Variants in KIAA0319L observed in about 807,000 individuals in gnomAD.
The protein encoded by KIAA0319L is dyslexia-associated protein KIAA0319-like protein.
Under a neutral mutation model 120.1 loss-of-function variants are expected in KIAA0319L, and 55 were observed. The observed-to-expected ratio is 0.46, with a 90% confidence interval of 0.37 to 0.57. The LOEUF (loss-of-function observed/expected upper bound fraction) is 0.57, where lower values mean the gene tolerates loss of function less well. KIAA0319L is among the 20% of genes least tolerant of loss of function. The pLI, the probability that KIAA0319L is intolerant of heterozygous loss-of-function variation, is 0.00. For missense variants in KIAA0319L, 1,049 were observed against 1,255.3 expected, an observed-to-expected ratio of 0.84 and a Z score of 2.48; for synonymous variants, 398 against 471.9, an observed-to-expected ratio of 0.84 and a Z score of 2.03.
chr1:35,451,459 G>A (rs1055986609), intron 13 of KIAA0319L, among the ~76,000 whole-genome samples, 169 bp downstream of exon 13: 1 of 152,086 alleles, frequency 6.6e-6, no homozygotes, highest in African/African-American at 2.4e-5. Context: ...TCACCTTACA[G>A]TCCAATTAAA....
intron 3 of KIAA0319L, among the ~76,000 whole-genome samples, chr1:35,486,367 C>T (rs1644384369): frequency 1.5e-5 from 2 of 130,742 alleles, no homozygotes; most frequent in South Asian, 4.9e-4. Context: ...GAGTAAGACC[C>T]TGTCTCAAGA....
intron 15 of KIAA0319L, 27 bp from the exon 16 acceptor site, chr1:35,448,359 C>CCTG: frequency 6.2e-7 from 1 of 1,605,614 alleles, no homozygotes; most frequent in Non-Finnish European, 8.5e-7. Context: ...TCAGTCATGG[C>CCTG]TTTAGAAGTA....
rs1478201478 is a variant in KIAA0319L at position 35,557,397 on chromosome 1, C to T, written c.-219G>A. On this transcript the variant is annotated 5_prime_UTR_variant, in exon 1 of 21. Coordinates refer to ENST00000325722, the MANE Select transcript of KIAA0319L (RefSeq NM_024874.5). ...AGCCTCCCTGGACAGCGACGGCGGC[C>T]GGAAACACCGCCTCCTCCCACCTCC... The T allele has an allele frequency of 3.2e-6, 1 of 315,888 alleles. No individual in the cohort carries two copies. The highest frequency in any genetic ancestry group is 6.2e-6 in the Non-Finnish European group (1 of 161,180). The allele number at this position is 315,888 out of a possible 1,614,324, so 19.6% of individuals were successfully genotyped here.
chr1:35,489,474 C>G (rs1433975669), intron 3 of KIAA0319L, among the ~76,000 whole-genome samples: 1 of 152,052 alleles, frequency 6.6e-6, no homozygotes, highest in Non-Finnish European at 1.5e-5. Flanking sequence ...AATCCAAGCA[C>G]AGACCAGCAG....
In KIAA0319L at chr1:35,449,919, G is replaced by T; in HGVS notation, c.2301C>A (p.Thr767=). 6.2e-7 allele frequency: 1 copy of T among 1,613,962 alleles called. No homozygotes were observed. The highest frequency in any genetic ancestry group is 1.7e-5 in the Admixed American group (1 of 60,008). The change falls in exon 15 of 21, where the codon ACC becomes ACA. Residue 767 remains threonine (T), a synonymous_variant. Transcript: ENST00000325722. ...EGTYTFHLKV[T]DAKGESDTDR... ...CTGTGTCACTCTCACCCTTTGCATCGGTCACTTTCAGGTGAAAAGTGTAGG... is the reference window on the plus strand; with the variant it reads ...CTGTGTCACTCTCACCCTTTGCATCTGTCACTTTCAGGTGAAAAGTGTAGG...
intron 9 of KIAA0319L, among the ~76,000 whole-genome samples, chr1:35,457,881 A>C (rs1642597470): frequency 6.6e-6 from 1 of 152,212 alleles, no homozygotes; most frequent in Non-Finnish European, 1.5e-5. Flanking sequence ...AAAAATTTAC[A>C]GAAGTTTTGC....
At position 35,434,982 on chromosome 1, in the gene KIAA0319L, T is replaced by G. The variant is rs1160610986; in HGVS notation, c.3062A>C (p.Lys1021Thr). The stretch of plus-strand genomic sequence containing the variant: ...ATTCTGACCATGCAGGAGTTTGCCC[T>G]TCTCTCGGTCTGGCCATGTAAAGAT... ...DAIFTWPDREKGKLLHGQNGS... is the reference protein window; with the variant it reads ...DAIFTWPDRETGKLLHGQNGS... Residue 1021 changes from lysine to threonine, a missense_variant, in exon 21 of 21, where the codon AAG becomes ACG. By Grantham distance (78) the Lys-to-Thr change is moderately conservative (BLOSUM62 -1). Coordinates refer to ENST00000325722, the MANE Select transcript of KIAA0319L (RefSeq NM_024874.5). 2 of 1,614,214 alleles carry G rather than the reference T, an allele frequency of 1.2e-6. No homozygotes were observed. Among genetic ancestry groups the G allele is most frequent in the Admixed American group, 3.3e-5 (2 of 60,032 alleles).
Position 35,434,145 on chromosome 1 carries a change from C to T in KIAA0319L, c.*749G>A, listed in dbSNP as rs1266222453. The T allele has an allele frequency of 6.8e-6, 1 of 147,108 alleles. No homozygotes were observed. The highest frequency in any genetic ancestry group is 1.5e-5 in the Non-Finnish European group (1 of 67,538). 9.1% of individuals were successfully genotyped at this position (147,108 alleles called of 1,614,324 possible). A position where few individuals can be genotyped will look rare whatever the true frequency, so the allele number is the denominator to read the frequency against. On this transcript the variant is annotated 3_prime_UTR_variant, in exon 21 of 21. Coordinates refer to ENST00000325722, the MANE Select transcript of KIAA0319L (RefSeq NM_024874.5). The stretch of plus-strand genomic sequence containing the variant: ...TGTCACTCAGGCTGGAGTGCAGTGG[C>T]ACGATCTTGGCTCACTGCAGCCTCC...
At chr1:35,516,762 A>G (rs1420112430) in intron 2 of KIAA0319L, among the ~76,000 whole-genome samples, 1 of 152,212 alleles carries the variant, frequency 6.6e-6, no homozygotes, top group African/African-American at 2.4e-5. Context: ...AGGAAGTCCA[A>G]CTATCCCTGT....
At position 35,453,482 on chromosome 1, in the gene KIAA0319L, A is replaced by T; in HGVS notation, c.1913+75T>A. The stretch of plus-strand genomic sequence containing the variant: ...TAAGCCAATAAGAGCAACTCAACTC[A>T]TAATAGCAAATAAAACCTTGCTCTT... On this transcript the variant is annotated intron_variant, in intron 12 of 20. Coordinates refer to ENST00000325722, the MANE Select transcript of KIAA0319L (RefSeq NM_024874.5). This position sits in a 1 kb window ranked among gnomAD's most constrained non-coding sequence, Gnocchi z 4.1. 2 of 1,453,662 alleles carry T rather than the reference A, an allele frequency of 1.4e-6. No homozygotes were observed. Among genetic ancestry groups the T allele is most frequent in the Non-Finnish European group, 1.9e-6 (2 of 1,047,386 alleles). The allele number at this position is 1,453,662 out of a possible 1,614,324, so 90.0% of individuals were successfully genotyped here. A position where few individuals can be genotyped will look rare whatever the true frequency, so the allele number is the denominator to read the frequency against.
chr1:35,476,657 G>A (rs1643905335), intron 4 of KIAA0319L, among the ~76,000 whole-genome samples: 1 of 152,108 alleles, frequency 6.6e-6, no homozygotes, highest in African/African-American at 2.4e-5. Flanking sequence ...ACCAAAAAAT[G>A]GCTATTCAAA....
chr1:35,549,651 T>A (rs1647123995), intron 2 of KIAA0319L, among the ~76,000 whole-genome samples: 1 of 152,170 alleles, frequency 6.6e-6, no homozygotes, highest in Admixed American at 6.5e-5. Flanking sequence ...CCCACAAACA[T>A]GCACACATAA....
At chr1:35,445,844 C>A (rs1372895872) in intron 16 of KIAA0319L, among the ~76,000 whole-genome samples, 2 of 152,136 alleles carry the variant, frequency 1.3e-5, no homozygotes, top group African/African-American at 4.8e-5. Flanking sequence ...TCAGGGAAAC[C>A]CAGAAGCTTC....
At chr1:35,489,898 T>G (rs765849741) in intron 3 of KIAA0319L, among the ~76,000 whole-genome samples, 36 of 152,044 alleles carry the variant, frequency 2.4e-4, no homozygotes, top group Non-Finnish European at 4.9e-4. Flanking sequence ...AACTCCTGAC[T>G]TTAAGTGATC....
At chr1:35,543,028 C>A (rs1421319780) in intron 2 of KIAA0319L, among the ~76,000 whole-genome samples, 1 of 152,102 alleles carries the variant, frequency 6.6e-6, no homozygotes, top group African/African-American at 2.4e-5. Context: ...AAGAACCCAC[C>A]AAAATTATGG....
At chr1:35,520,387 T>A (rs960037946) in intron 2 of KIAA0319L, among the ~76,000 whole-genome samples, 2 of 152,082 alleles carry the variant, frequency 1.3e-5, no homozygotes, top group Admixed American at 1.3e-4. Context: ...CATAAGCCAC[T>A]GCACCCGGCC....
At chr1:35,482,560 G>T (rs1450284559) in intron 3 of KIAA0319L, among the ~76,000 whole-genome samples, 1 of 151,848 alleles carries the variant, frequency 6.6e-6, no homozygotes, top group Non-Finnish European at 1.5e-5. Flanking sequence ...CTCCCGAGTA[G>T]CTGGGATTAC....
At chr1:35,476,592 G>A (rs1462525730) in intron 4 of KIAA0319L, among the ~76,000 whole-genome samples, 3 of 152,116 alleles carry the variant, frequency 2.0e-5, no homozygotes, top group Admixed American at 2.0e-4. Context: ...ACTCTCTGAA[G>A]TGACTTTCAA....
rs1643717585 is a variant in KIAA0319L, at chr1:35,472,962, G to T, written c.1015+1843C>A. On this transcript the variant is annotated intron_variant, in intron 5 of 20. Transcript: ENST00000325722. ...CACCATCACGCCTGGCTTACTTTTA[G>T]TAGAGATGGGGTTTCACCATGCTGG... Among the ~76,000 whole-genome samples the T allele has an allele frequency of 2.0e-5, 3 of 148,146 alleles. No individual in the cohort carries two copies. In the Admixed American group the frequency reaches 2.0e-4, roughly 10 times the overall value.
Sources: gnomAD v4.1 joint callset for allele counts (sites outside exome capture counted in the v4.1 genomes callset) on GRCh38, gnomAD v4.1.1 for gene constraint, Gnocchi (gnomAD v3.1) non-coding constraint, MANE v1.5 for transcripts, NCBI Gene and HGNC (gene_info 2026-07-23, HGNC 2026-07-21) for gene names.